The following PALS2 variants were observed in gnomAD, a reference collection of about 807,000 sequenced individuals.
PALS2 encodes protein associated with LIN7 2, MAGUK p55 family member, also known as protein PALS2.
PALS2 carries 27 observed loss-of-function variants against 61.6 expected under a neutral mutation model. That is an observed-to-expected ratio of 0.44 (90% CI 0.32 to 0.60). The LOEUF is 0.60. Ranked by LOEUF, PALS2 falls within the 20% of genes least tolerant of loss-of-function variation. PALS2 has a pLI of 0.05. For synonymous variants in PALS2, 236 were observed against 218.6 expected, an observed-to-expected ratio of 1.08 and a Z score of -0.70; for missense variants, 554 against 639.4, an observed-to-expected ratio of 0.87 and a Z score of 1.44.
At chr7:24,634,660 G>A (rs909101408) in intron 2 of PALS2, among the ~76,000 whole-genome samples, 11 of 152,124 alleles carry the variant, frequency 7.2e-5, no homozygotes, top group African/African-American at 2.2e-4. Context: ...CTGTGTTTCC[G>A]AAGAGCTTTA....
intron 1 of PALS2, among the ~76,000 whole-genome samples, chr7:24,607,005 G>A (rs905437793): frequency 6.6e-6 from 1 of 152,130 alleles, no homozygotes; most frequent in Non-Finnish European, 1.5e-5. Flanking sequence ...GTGAGGTCAG[G>A]TGTGGAATTT....
At chr7:24,656,596 A>T (rs994478794) in intron 5 of PALS2, among the ~76,000 whole-genome samples, 1 of 151,992 alleles carries the variant, frequency 6.6e-6, no homozygotes, top group Admixed American at 6.6e-5. Context: ...ATCACAGCTC[A>T]CTGCAGCCTC....
intron 11 of PALS2, among the ~76,000 whole-genome samples, chr7:24,684,372 T>C (rs1305383342): frequency 6.6e-6 from 1 of 152,238 alleles, no homozygotes; most frequent in African/African-American, 2.4e-5. Context: ...AGGTCAGTTA[T>C]TCTTTTTTAA....
chr7:24,621,871 G>C (rs1428120907), intron 1 of PALS2, among the ~76,000 whole-genome samples: 1 of 151,918 alleles, frequency 6.6e-6, no homozygotes, highest in African/African-American at 2.4e-5. Context: ...TTGAGTGAGG[G>C]GAGGGGTCTA....
At chr7:24,624,157 G>A (rs1000884262) in intron 2 of PALS2, 1 of 1,271,252 alleles carries the variant, frequency 7.9e-7, no homozygotes, top group Non-Finnish European at 1.0e-6. Context: ...TACTTTTCAT[G>A]TAAGTTCTTG....
At chr7:24,669,687 A>G (rs1434796136) in intron 9 of PALS2, among the ~76,000 whole-genome samples, 2 of 152,182 alleles carry the variant, frequency 1.3e-5, no homozygotes, top group Non-Finnish European at 2.9e-5. Context: ...TTTGGGTTTA[A>G]TTCTCAGTGA....
intron 1 of PALS2, chr7:24,589,492 A>T (rs1783202229): frequency 6.6e-6 from 1 of 152,198 alleles, no homozygotes; most frequent in Non-Finnish European, 1.5e-5. Flanking sequence ...ATTAGTAAGT[A>T]AGCCTGTTTT....
chr7:24,677,581 A>G (rs1787684642), intron 9 of PALS2, among the ~76,000 whole-genome samples: 1 of 152,128 alleles, frequency 6.6e-6, no homozygotes, highest in Non-Finnish European at 1.5e-5. Flanking sequence ...TTTAGCATGA[A>G]GGGCTGTTGA....
intron 5 of PALS2, among the ~76,000 whole-genome samples, chr7:24,652,698 C>A (rs1038934233): frequency 6.6e-6 from 1 of 152,064 alleles, no homozygotes; most frequent in Non-Finnish European, 1.5e-5. Context: ...TATAGGGAAG[C>A]AAGGGCATTT....
At chr7:24,620,205 A>G (rs1348732525) in intron 1 of PALS2, 1 of 152,184 alleles carries the variant, frequency 6.6e-6, no homozygotes, top group East Asian at 1.9e-4. Flanking sequence ...CTCAGATTCC[A>G]TTGTTCATCA....
chr7:24,681,643 A>G (rs1374036761), intron 11 of PALS2, among the ~76,000 whole-genome samples: 1 of 151,952 alleles, frequency 6.6e-6, no homozygotes, highest in African/African-American at 2.4e-5. Flanking sequence ...GGTATAATTG[A>G]CACATAATAA....
intron 5 of PALS2, among the ~76,000 whole-genome samples, chr7:24,661,340 A>AT (rs55854249): frequency 0.039 from 5,937 of 152,204 alleles, 155 homozygotes; most frequent in Non-Finnish European, 0.058. Flanking sequence ...TGAAAAAAAA[A>AT]AAATAAATTG....
chr7:24,636,342 T>G (rs1193224689), intron 2 of PALS2, among the ~76,000 whole-genome samples: 4 of 151,980 alleles, frequency 2.6e-5, no homozygotes, highest in Non-Finnish European at 4.4e-5. Flanking sequence ...ATTAGCATGA[T>G]GTGTTATCAG....
chr7:24,678,845 A>G (rs1025355689), intron 9 of PALS2, among the ~76,000 whole-genome samples: 6 of 152,324 alleles, frequency 3.9e-5, no homozygotes, highest in African/African-American at 9.6e-5. Flanking sequence ...AAACTTTTCT[A>G]TTAAAGGGCC....
chr7:24,595,559 CTATATATAAATATATATAAA>C (rs71554003), intron 1 of PALS2, among the ~76,000 whole-genome samples: 125 of 116,472 alleles, frequency 1.1e-3, no homozygotes, highest in African/African-American at 2.1e-3. Flanking sequence ...TATATATTAA[CTATATATAAATATATATAAA>C]TATATATAAA....
At chr7:24,578,526 C>T (rs1239317402) in intron 1 of PALS2, among the ~76,000 whole-genome samples, 1 of 152,192 alleles carries the variant, frequency 6.6e-6, no homozygotes, top group East Asian at 1.9e-4. Flanking sequence ...ACTCCAGTGC[C>T]TGCAGGGCAC....
chr7:24,593,631 A>G (rs1783385328), intron 1 of PALS2, among the ~76,000 whole-genome samples: 1 of 152,134 alleles, frequency 6.6e-6, no homozygotes, highest in Non-Finnish European at 1.5e-5. Context: ...TCTGCTGTGC[A>G]TGTCTATCAG....
chr7:24,594,122 G>A (rs1030755903), intron 1 of PALS2, among the ~76,000 whole-genome samples: 1 of 152,072 alleles, frequency 6.6e-6, no homozygotes, highest in African/African-American at 2.4e-5. Context: ...ACACTTTTAT[G>A]TTATGAGATG....
intron 2 of PALS2, among the ~76,000 whole-genome samples, chr7:24,632,020 T>C (rs1785016923): frequency 6.6e-6 from 1 of 152,240 alleles, no homozygotes; most frequent in Admixed American, 6.5e-5. Flanking sequence ...ATCTCTGAGC[T>C]ATGCCTGTAC....
Sources: gnomAD v4.1 joint callset for allele counts (sites outside exome capture counted in the v4.1 genomes callset) on GRCh38, gnomAD v4.1.1 for gene constraint, MANE v1.5 for transcripts, NCBI Gene and HGNC (gene_info 2026-07-23, HGNC 2026-07-21) for gene names.